Variants in ZNF124 observed in about 807,000 individuals in gnomAD.
The protein encoded by ZNF124 is zinc finger protein HZF-16.
In ZNF124, 25 loss-of-function variants were observed where a neutral mutation model predicts 26.6. That is an observed-to-expected ratio of 0.94 (90% CI 0.68 to 1.31). ZNF124 has a LOEUF of 1.31. Ranked by LOEUF, ZNF124 falls within the 40% of genes most tolerant of loss-of-function variation. The probability of loss-of-function intolerance (pLI) is 0.00; values close to 1 mark genes in which losing one functional copy is unlikely to be tolerated. For synonymous variants in ZNF124, 129 were observed against 133.3 expected, an observed-to-expected ratio of 0.97 and a Z score of 0.22; for missense variants, 444 against 422.2, an observed-to-expected ratio of 1.05 and a Z score of -0.45.
chr1:247,158,114 G>A (rs942519522), intron 3 of ZNF124, among the ~76,000 whole-genome samples: 1 of 152,142 alleles, frequency 6.6e-6, no homozygotes, highest in Non-Finnish European at 1.5e-5. Context: ...GCTGGGTGTG[G>A]TGGCATGTTC....
chr1:247,131,045 C>T (rs1016173934), intron 3 of ZNF124, among the ~76,000 whole-genome samples: 17 of 152,212 alleles, frequency 1.1e-4, no homozygotes, highest in African/African-American at 4.1e-4. Context: ...CATTGCACCC[C>T]AACCTGGGCG....
At chr1:247,151,455 G>A (rs1342019749), downstream of ZNF124, among the ~76,000 whole-genome samples, 5 of 150,156 alleles carry the variant, frequency 3.3e-5, no homozygotes, top group African/African-American at 1.2e-4. Flanking sequence ...CTCCAGCCTG[G>A]GTGACAGAGT....
At chr1:247,152,933 A>G (rs528316815), downstream of ZNF124, among the ~76,000 whole-genome samples, 2 of 152,290 alleles carry the variant, frequency 1.3e-5, no homozygotes, top group South Asian at 4.1e-4. Flanking sequence ...GGAGATCAAG[A>G]CCATCCTGGC....
chr1:247,159,584 A>G, intron 2 of ZNF124, 103 bp downstream of exon 2: 1 of 1,283,746 alleles, frequency 7.8e-7, no homozygotes. Flanking sequence ...TCATTCACTC[A>G]TCAAAGTGTT....
chr1:247,143,718 C>G (rs954359739), intron 3 of ZNF124, among the ~76,000 whole-genome samples: 1 of 152,204 alleles, frequency 6.6e-6, no homozygotes, highest in Non-Finnish European at 1.5e-5. Flanking sequence ...ATTCCCTTAC[C>G]TGACTTATGT....
chr1:247,162,883 A>G (rs1209969335), intron 1 of ZNF124, among the ~76,000 whole-genome samples: 1 of 152,204 alleles, frequency 6.6e-6, no homozygotes, highest in Non-Finnish European at 1.5e-5. Context: ...TCATAAAGGC[A>G]GAAAACTAAC....
intron 1 of ZNF124, among the ~76,000 whole-genome samples, chr1:247,165,170 G>A (rs1042501874): frequency 6.6e-6 from 1 of 152,122 alleles, no homozygotes. Flanking sequence ...GTTTCACCGT[G>A]TTAGCGAGGA....
exon 4 of ZNF124, chr1:247,122,600 T>C (rs1272860712): frequency 6.6e-6 from 1 of 152,224 alleles, no homozygotes; most frequent in Non-Finnish European, 1.5e-5. Flanking sequence ...TGGAGTGCAG[T>C]AGCTATTCAC....
chr1:247,142,709 A>G (rs1379481576), intron 3 of ZNF124, among the ~76,000 whole-genome samples: 1 of 152,194 alleles, frequency 6.6e-6, no homozygotes. Flanking sequence ...AAGACAAGGT[A>G]TATTAAATGC....
intron 1 of ZNF124, among the ~76,000 whole-genome samples, chr1:247,166,408 A>G (rs1271618397): frequency 6.6e-6 from 1 of 152,214 alleles, no homozygotes; most frequent in East Asian, 1.9e-4. Flanking sequence ...AGAAATATGC[A>G]TGCATAGGTT....
chr1:247,168,684 G>A lies in ZNF124; in HGVS notation c.30+3164C>T, dbSNP rs895450533. On this transcript the variant is annotated intron_variant, in intron 1 of 3. Transcript: ENST00000543802. This position sits in a 1 kb window ranked among gnomAD's most constrained non-coding sequence, Gnocchi z 4.0. ...TGGAATACTACTCAGCCATAAAAAGGAATGAAATAATGGGCTTTGCAGCAA... is the reference window on the plus strand; with the variant it reads ...TGGAATACTACTCAGCCATAAAAAGAAATGAAATAATGGGCTTTGCAGCAA... 1.3e-5 allele frequency among the ~76,000 whole-genome samples: 2 copies of A among 152,194 alleles called. No homozygotes were observed. Among genetic ancestry groups the A allele is most frequent in the Admixed American group, 1.3e-4 (2 of 15,276 alleles).
chr1:247,167,241 T>G (rs1490203398), intron 1 of ZNF124, among the ~76,000 whole-genome samples: 1 of 152,198 alleles, frequency 6.6e-6, no homozygotes. Flanking sequence ...AGAGAACCTC[T>G]GCTTTTATCA....
chr1:247,155,835 T>C lies in ZNF124; in HGVS notation c.*731A>G, dbSNP rs1673096884. The C allele has an allele frequency of 3.3e-5, 24 of 719,732 alleles. 1 individual carries two copies. In the South Asian group the frequency reaches 1.4e-3, roughly 42 times the overall value. The allele number at this position is 719,732 out of a possible 1,614,324, so 44.6% of individuals were successfully genotyped here. A position where few individuals can be genotyped will look rare whatever the true frequency, so the allele number is the denominator to read the frequency against. On this transcript the variant is annotated 3_prime_UTR_variant, in exon 4 of 4. Transcript: ENST00000543802. ...GAGATTGTGCCACTGCACACCAGCC[T>C]GGGCGACAAAGTGAGACTCCATCTC...
chr1:247,164,968 A>AT (rs753255072), intron 1 of ZNF124, among the ~76,000 whole-genome samples: 8,140 of 146,254 alleles, frequency 0.056, 322 homozygotes, highest in Admixed American at 0.1. Context: ...CGACCATCTG[A>AT]TTTTTTTTTT....
chr1:247,128,021 CCTAACT>C (rs1672252874), intron 3 of ZNF124, among the ~76,000 whole-genome samples: 1 of 152,208 alleles, frequency 6.6e-6, no homozygotes, highest in Admixed American at 6.5e-5. Flanking sequence ...TATTCCCCAG[CCTAACT>C]CTTCTAGAAC....
chr1:247,158,475 G>C (rs1250210370), intron 3 of ZNF124, among the ~76,000 whole-genome samples: 1 of 151,962 alleles, frequency 6.6e-6, no homozygotes, highest in Non-Finnish European at 1.5e-5. Flanking sequence ...ACTCAGCCTA[G>C]GTATTCCTTT....
chr1:247,154,929 A>G (rs941901082), downstream of ZNF124, among the ~76,000 whole-genome samples: 3 of 150,174 alleles, frequency 2.0e-5, no homozygotes, highest in Non-Finnish European at 3.0e-5. Flanking sequence ...AACCATGAGA[A>G]AAACTTCAAC....
intron 1 of ZNF124, among the ~76,000 whole-genome samples, chr1:247,162,448 A>G (rs1178194818): frequency 2.0e-5 from 3 of 152,076 alleles, no homozygotes; most frequent in Admixed American, 1.3e-4. Context: ...GAAAAAAGTA[A>G]ATCTAGGAGC....
intron 3 of ZNF124, among the ~76,000 whole-genome samples, chr1:247,130,060 C>T (rs115460412): frequency 1.7e-4 from 26 of 152,186 alleles, no homozygotes; most frequent in African/African-American, 5.5e-4. Flanking sequence ...CAGCCATGTC[C>T]GTGCTCGTCA....
Sources: gnomAD v4.1 joint callset for allele counts (sites outside exome capture counted in the v4.1 genomes callset) on GRCh38, gnomAD v4.1.1 for gene constraint, Gnocchi (gnomAD v3.1) non-coding constraint, MANE v1.5 for transcripts, NCBI Gene and HGNC (gene_info 2026-07-23, HGNC 2026-07-21) for gene names.